Variants in USP34 observed in about 807,000 individuals in gnomAD.
The protein encoded by USP34 is ubiquitin carboxyl-terminal hydrolase 34.
Under a neutral mutation model 460.3 loss-of-function variants are expected in USP34, and 70 were observed. The ratio of observed to expected loss-of-function variants is 0.15; its 90% confidence interval spans 0.13 to 0.19. USP34 has a LOEUF of 0.19. Among genes scored for constraint, USP34 ranks in the 10% least tolerant of loss-of-function variants. USP34 has a pLI of 1.00. For missense variants in USP34, 3,985 were observed against 4,236.2 expected (o/e 0.94, Z 1.65); for synonymous variants, 1,647 against 1,405.3 (o/e 1.17, Z -3.85).
intron 5 of USP34, among the ~76,000 whole-genome samples, chr2:61,388,839 T>A (rs1424288810): frequency 6.6e-6 from 1 of 151,720 alleles, no homozygotes; most frequent in African/African-American, 2.4e-5. Context: ...TAGATATACA[T>A]CCAAATTAAA....
chr2:61,210,256 G>T (rs183668563), intron 69 of USP34, among the ~76,000 whole-genome samples: 23 of 152,242 alleles, frequency 1.5e-4, no homozygotes, highest in Admixed American at 1.2e-3. Flanking sequence ...AGTCTTGCAA[G>T]CACCATTCAT....
At chr2:61,401,968 A>T (rs1693735071) in intron 3 of USP34, among the ~76,000 whole-genome samples, 2 of 150,878 alleles carry the variant, frequency 1.3e-5, no homozygotes, top group East Asian at 4.0e-4. Flanking sequence ...TGCAACTAGC[A>T]TGGCAAGGCA....
At chr2:61,413,407 A>C (rs1410814154) in intron 2 of USP34, among the ~76,000 whole-genome samples, 1 of 149,732 alleles carries the variant, frequency 6.7e-6, no homozygotes, top group Non-Finnish European at 1.5e-5. Context: ...TTAAAATAAA[A>C]AAATAAAAAA....
Position 61,424,542 on chromosome 2 carries a change from G to C in USP34, c.44-3709C>G, listed in dbSNP as rs116521371. Among the ~76,000 whole-genome samples the C allele has an allele frequency of 8.1e-3, 1,229 of 152,192 alleles. 16 individuals are homozygous for C. The highest frequency in any genetic ancestry group is 0.027 in the African/African-American group (1,120 of 41,528). On this transcript the variant is annotated intron_variant, in intron 1 of 79. Coordinates refer to ENST00000398571, the MANE Select transcript of USP34 (RefSeq NM_014709.4). ...AAAGTTGTAGAGATTTGTTGCACGA[G>C]AATGTTAACATTTCTAACACTACTC...
intron 2 of USP34, among the ~76,000 whole-genome samples, chr2:61,412,998 T>A (rs1489972078): frequency 6.6e-6 from 1 of 151,348 alleles, no homozygotes; most frequent in Non-Finnish European, 1.5e-5. Flanking sequence ...GGTAAGGAAA[T>A]TATGAAATAA....
chr2:61,335,827 G>T (rs1049542292), intron 18 of USP34, among the ~76,000 whole-genome samples: 2 of 152,112 alleles, frequency 1.3e-5, no homozygotes, highest in African/African-American at 4.8e-5. Context: ...ATACTGAATT[G>T]CACTAGTTGT....
At chr2:61,408,248 T>G (rs942013752) in intron 2 of USP34, among the ~76,000 whole-genome samples, 1 of 152,156 alleles carries the variant, frequency 6.6e-6, no homozygotes, top group African/African-American at 2.4e-5. Context: ...ACACCTTGAC[T>G]AAAACATTAT....
rs375589442 is a variant in USP34, at chr2:61,420,807, G to C, written c.70C>G (p.Leu24Val). 18 of 1,610,760 alleles carry C rather than the reference G, an allele frequency of 1.1e-5. No homozygotes were observed. In the African/African-American group the frequency reaches 1.6e-4, roughly 14 times the overall value. The change falls in exon 2 of 80, where the codon CTG becomes GTG. Residue 24 changes from leucine to valine, a missense_variant. Transcript: ENST00000398571. ...AGAGTATGTTCCTTTCTGAGCTGCA[G>C]TCCATCACCACCTTCTACATCTGAT... ...EISDVEGGDG[L>V]QLRKEHTLKI... is the part of the protein sequence containing the mutation.
intron 33 of USP34, 118 bp from the exon 34 acceptor site, chr2:61,288,995 T>A (rs975948772): frequency 9.7e-7 from 1 of 1,030,316 alleles, no homozygotes; most frequent in Non-Finnish European, 1.4e-6. Flanking sequence ...CTTAATCATG[T>A]ACTATAAAAA....
At chr2:61,418,831 T>C (rs1393918807) in intron 2 of USP34, among the ~76,000 whole-genome samples, 2 of 152,208 alleles carry the variant, frequency 1.3e-5, no homozygotes, top group Non-Finnish European at 2.9e-5. Context: ...TCCACTTTTA[T>C]TACTACGAGC....
intron 48 of USP34, among the ~76,000 whole-genome samples, chr2:61,249,299 T>C (rs1442488981): frequency 6.6e-6 from 1 of 152,178 alleles, no homozygotes; most frequent in Non-Finnish European, 1.5e-5. Context: ...AACAGTACAA[T>C]ACTGCGAAGG....
At chr2:61,332,887 T>G (rs926001821) in intron 19 of USP34, among the ~76,000 whole-genome samples, 1 of 152,002 alleles carries the variant, frequency 6.6e-6, no homozygotes, top group Admixed American at 6.6e-5. Context: ...GCAAGGTATA[T>G]GACTCAGAAG....
chr2:61,218,316 G>GAAAAAAA (rs79272493), intron 67 of USP34, among the ~76,000 whole-genome samples: 2 of 89,758 alleles, frequency 2.2e-5, no homozygotes, highest in Admixed American at 1.1e-4. Context: ...AAACTTCCAG[G>GAAAAAAA]AAAAAAAAAA....
At chr2:61,351,972 T>C (rs946492853) in intron 10 of USP34, among the ~76,000 whole-genome samples, 16 of 152,350 alleles carry the variant, frequency 1.1e-4, no homozygotes, top group African/African-American at 3.6e-4. Context: ...TAAATAACAT[T>C]ACAGATTAAA....
intron 74 of USP34, among the ~76,000 whole-genome samples, chr2:61,203,751 A>C (rs1307663598): frequency 1.3e-5 from 2 of 152,122 alleles, no homozygotes; most frequent in African/African-American, 4.8e-5. Flanking sequence ...AACTAAGATA[A>C]ATTATCCTGT....
intron 2 of USP34, among the ~76,000 whole-genome samples, chr2:61,420,168 TAAGTTA>T (rs756652351): frequency 1.3e-4 from 20 of 152,198 alleles, no homozygotes; most frequent in Non-Finnish European, 2.1e-4. Context: ...GGACTAAGTT[TAAGTTA>T]AAGTAATTTT....
Position 61,470,791 on chromosome 2 carries a change from G to C in USP34, c.-99C>G, listed in dbSNP as rs1031757296. ...GAGAGGCGGAGGAGGGGGCCGGCCG[G>C]CCGGCGGGGCGGGGAGGCGACTAGG... is the stretch of plus-strand genomic sequence containing the variant. On this transcript the variant is annotated 5_prime_UTR_variant, in exon 1 of 80. Coordinates refer to ENST00000398571, the MANE Select transcript of USP34 (RefSeq NM_014709.4). The C allele has an allele frequency of 2.0e-6, 2 of 1,024,482 alleles. No homozygotes were observed. The highest frequency in any genetic ancestry group is 1.7e-5 in the African/African-American group (1 of 59,416). 63.5% of individuals were successfully genotyped at this position (1,024,482 alleles called of 1,614,324 possible).
intron 72 of USP34, 66 bp downstream of exon 72, chr2:61,205,951 C>A: frequency 1.6e-6 from 2 of 1,251,728 alleles, no homozygotes; most frequent in South Asian, 1.2e-5. Flanking sequence ...CTTAACATCA[C>A]GGAAAAACTC....
chr2:61,366,146 G>T (rs1692433056), intron 10 of USP34, among the ~76,000 whole-genome samples: 1 of 152,174 alleles, frequency 6.6e-6, no homozygotes, highest in South Asian at 2.1e-4. Context: ...GGCTGGTCTT[G>T]AACCGCTGAC....
Sources: gnomAD v4.1 joint callset for allele counts (sites outside exome capture counted in the v4.1 genomes callset) on GRCh38, gnomAD v4.1.1 for gene constraint, MANE v1.5 for transcripts, NCBI Gene and HGNC (gene_info 2026-07-23, HGNC 2026-07-21) for gene names.